Variants in STPG2 observed in about 807,000 individuals in gnomAD.
STPG2 encodes the protein sperm-tail PG-rich repeat-containing protein 2.
A neutral mutation model predicts 54.2 loss-of-function variants in STPG2; 56 were observed. The ratio of observed to expected loss-of-function variants is 1.03; its 90% CI spans 0.83 to 1.29. STPG2 has a LOEUF of 1.29. STPG2 is among the 50% of genes most tolerant of loss of function. The pLI is 0.00. For synonymous variants in STPG2, 200 were observed against 181.8 expected (o/e 1.10, Z -0.81); for missense variants, 596 against 544.9 (o/e 1.09, Z -0.93).
chr4:97,923,373 G>A (rs565636223), intron 8 of STPG2, among the ~76,000 whole-genome samples: 168 of 129,164 alleles, frequency 1.3e-3, no homozygotes, highest in Admixed American at 2.2e-3. Flanking sequence ...AGGGCGCCCC[G>A]TCCCATCGAC....
chr4:97,857,007 C>T (rs1255178228), intron 8 of STPG2, among the ~76,000 whole-genome samples: 2 of 152,100 alleles, frequency 1.3e-5, no homozygotes, highest in Non-Finnish European at 2.9e-5. Context: ...AGAAATGAAG[C>T]CAACTTGATA....
At chr4:97,845,324 A>G (rs1039423078) in intron 8 of STPG2, among the ~76,000 whole-genome samples, 1 of 151,902 alleles carries the variant, frequency 6.6e-6, no homozygotes, top group Admixed American at 6.6e-5. Flanking sequence ...CCTTATTTTC[A>G]TTTCTGAAAT....
At chr4:97,753,286 T>C (rs1378189177) in intron 9 of STPG2, among the ~76,000 whole-genome samples, 1 of 151,998 alleles carries the variant, frequency 6.6e-6, no homozygotes, top group Non-Finnish European at 1.5e-5. Context: ...TCTGACTCTA[T>C]GAATTTGCCT....
chr4:98,030,720 G>C (rs940854382), intron 5 of STPG2, among the ~76,000 whole-genome samples: 2 of 151,940 alleles, frequency 1.3e-5, no homozygotes, highest in African/African-American at 4.8e-5. Context: ...AGAATACCCA[G>C]AAATAAGACC....
intron 10 of STPG2, among the ~76,000 whole-genome samples, chr4:97,605,089 T>G (rs1361138233): frequency 6.6e-6 from 1 of 151,820 alleles, no homozygotes; most frequent in Non-Finnish European, 1.5e-5. Flanking sequence ...CTTAATTCTA[T>G]CATGTATGCA....
At chr4:97,600,443 A>G (rs1054781364) in intron 10 of STPG2, among the ~76,000 whole-genome samples, 1 of 152,194 alleles carries the variant, frequency 6.6e-6, no homozygotes, top group Non-Finnish European at 1.5e-5. Context: ...CAAAAACCAG[A>G]AAAAAGGAAA....
intron 5 of STPG2, among the ~76,000 whole-genome samples, chr4:98,020,854 T>C (rs946072474): frequency 7.2e-5 from 11 of 152,188 alleles, no homozygotes; most frequent in Admixed American, 5.2e-4. Flanking sequence ...TCTGTGGGAT[T>C]GGTGGTGATA....
chr4:97,821,926 T>G (rs1728103856), intron 9 of STPG2, among the ~76,000 whole-genome samples: 1 of 152,144 alleles, frequency 6.6e-6, no homozygotes, highest in African/African-American at 2.4e-5. Context: ...TTGGAGGCCT[T>G]TTTCCCATGT....
intron 3 of STPG2, among the ~76,000 whole-genome samples, chr4:98,114,745 T>G (rs1739459943): frequency 3.7e-5 from 1 of 27,064 alleles, no homozygotes; most frequent in Non-Finnish European, 7.5e-5. Context: ...GACCCCACAA[T>G]AATATCCATT....
At chr4:97,719,706 A>G (rs1293871633) in intron 9 of STPG2, among the ~76,000 whole-genome samples, 1 of 151,902 alleles carries the variant, frequency 6.6e-6, no homozygotes, top group East Asian at 1.9e-4. Flanking sequence ...ATGCTTATTG[A>G]GCTGAACTGA....
At chr4:97,971,662 G>C (rs1466590905) in intron 7 of STPG2, among the ~76,000 whole-genome samples, 1 of 151,992 alleles carries the variant, frequency 6.6e-6, no homozygotes. Flanking sequence ...GTGGCGGGCT[G>C]GGGGAGGGAT....
chr4:97,518,150 G>A (rs1731112793), intron 4 of STPG2, among the ~76,000 whole-genome samples: 1 of 152,048 alleles, frequency 6.6e-6, no homozygotes, highest in Non-Finnish European at 1.5e-5. Context: ...GTATGTGCAG[G>A]CTGACATAAC....
At position 97,475,856 on chromosome 4, in the gene STPG2, G is replaced by A. The variant is rs534802766; in HGVS notation, c.462+236843C>T. ...CTCTTCACAGAGACTTTCCCTGGCC[G>A]CTTATCTAAAAGGCCAGCCAACCAC... On this transcript the variant is annotated intron_variant, in intron 4 of 4. Coordinates refer to the STPG2 transcript ENST00000522676. 5.3e-5 allele frequency among the ~76,000 whole-genome samples: 8 copies of A among 152,168 alleles called. No individual in the cohort carries two copies. The East Asian group carries it at 5.8e-4, about 11-fold the overall frequency.
chr4:97,513,300 A>C (rs1321075780), intron 4 of STPG2, among the ~76,000 whole-genome samples: 1 of 152,070 alleles, frequency 6.6e-6, no homozygotes, highest in Non-Finnish European at 1.5e-5. Flanking sequence ...AGTTATCCAG[A>C]ATCCCCTCTA....
intron 10 of STPG2, among the ~76,000 whole-genome samples, chr4:97,653,538 C>T (rs1050092799): frequency 7.2e-5 from 11 of 151,994 alleles, no homozygotes; most frequent in African/African-American, 2.7e-4. Context: ...CAAAAAATGA[C>T]TCTAAAGCCA....
At chr4:98,102,816 T>C (rs2114425) in intron 5 of STPG2, among the ~76,000 whole-genome samples, 58,587 of 148,094 alleles carry the variant, frequency 0.4, 11,759 homozygotes, top group African/African-American at 0.45. Context: ...TGTCATAATA[T>C]ATATAACATA....
At chr4:98,117,605 C>T (rs10470893) in intron 3 of STPG2, among the ~76,000 whole-genome samples, 59,998 of 151,700 alleles carry the variant, frequency 0.4, 12,097 homozygotes, top group Middle Eastern at 0.46. Context: ...TCTGAATACT[C>T]TTCTTCATCC....
intron 5 of STPG2, among the ~76,000 whole-genome samples, chr4:98,046,604 G>T (rs913202216): frequency 1.3e-5 from 2 of 152,126 alleles, no homozygotes; most frequent in African/African-American, 2.4e-5. Context: ...CCCCTAGAAA[G>T]TCAGTATGGA....
At chr4:97,510,725 T>C (rs945040622) in intron 4 of STPG2, among the ~76,000 whole-genome samples, 6 of 152,112 alleles carry the variant, frequency 3.9e-5, no homozygotes, top group African/African-American at 7.2e-5. Context: ...CAGTTCACAA[T>C]AGGGTTTGTG....
Sources: allele counts gnomAD v4.1 joint callset (sites outside exome capture counted in the v4.1 genomes callset), GRCh38; gene constraint gnomAD v4.1.1; transcripts MANE v1.5; gene names NCBI Gene and HGNC (gene_info 2026-07-23, HGNC 2026-07-21).